Variants in ARHGAP26 observed in about 807,000 individuals in gnomAD.
The protein encoded by ARHGAP26 is Rho GTPase activating protein 26.
Under a neutral mutation model 104.8 loss-of-function variants are expected in ARHGAP26, and 38 were observed. The ratio of observed to expected loss-of-function variants is 0.36; its 90% CI spans 0.28 to 0.48. The LOEUF is 0.48. ARHGAP26 is among the 20% of genes least tolerant of loss of function. The pLI is 0.99. For synonymous variants in ARHGAP26, 341 were observed against 340.0 expected (o/e 1.00, Z -0.03); for missense variants, 704 against 947.9 (o/e 0.74, Z 3.38).
intron 13 of ARHGAP26, among the ~76,000 whole-genome samples, chr5:143,039,231 A>G (rs1205121095): frequency 1.3e-5 from 2 of 152,158 alleles, no homozygotes; most frequent in East Asian, 3.9e-4. Context: ...TGGAGGGGAC[A>G]GAGTCTTGCT....
At chr5:143,085,938 G>T (rs772901217) in intron 17 of ARHGAP26, among the ~76,000 whole-genome samples, 9 of 152,164 alleles carry the variant, frequency 5.9e-5, no homozygotes, top group Non-Finnish European at 1.0e-4. Context: ...TCCCTATTAT[G>T]CAAGGAAAGG....
chr5:142,991,967 G>A (rs146988938), intron 11 of ARHGAP26, among the ~76,000 whole-genome samples: 409 of 152,240 alleles, frequency 2.7e-3, no homozygotes, highest in Non-Finnish European at 4.1e-3. Flanking sequence ...CCATTTCCCT[G>A]AGCCTACATC....
chr5:143,018,422 A>T (rs1779880218), intron 12 of ARHGAP26, among the ~76,000 whole-genome samples: 1 of 152,184 alleles, frequency 6.6e-6, no homozygotes, highest in African/African-American at 2.4e-5. Flanking sequence ...TTTATGACCC[A>T]TGTCACAAAG....
At position 143,134,108 on chromosome 5, in the gene ARHGAP26, G is replaced by C; in HGVS notation, c.1837+3G>C. 6.2e-7 allele frequency: 1 copy of C among 1,608,834 alleles called. No homozygotes were observed. Among genetic ancestry groups the C allele is most frequent in the Non-Finnish European group, 8.5e-7 (1 of 1,177,058 alleles). On this transcript the variant is annotated splice_donor_region_variant and intron_variant, in intron 19 of 22. Coordinates refer to ENST00000645722, the MANE Select transcript of ARHGAP26 (RefSeq NM_001135608.3). ...CACCGTTCAGTCAACAGAGAAACGT[G>C]AGTCTTTGCTGCATAGGGCCAGCGT...
intron 17 of ARHGAP26, among the ~76,000 whole-genome samples, chr5:143,079,161 G>T (rs374721413): frequency 8.5e-5 from 13 of 152,330 alleles, no homozygotes; most frequent in African/African-American, 3.1e-4. Flanking sequence ...GCTTTGTCAT[G>T]TCTGAGTGCA....
At chr5:143,176,517 C>T (rs1447250341) in intron 20 of ARHGAP26, among the ~76,000 whole-genome samples, 1 of 152,172 alleles carries the variant, frequency 6.6e-6, no homozygotes, top group African/African-American at 2.4e-5. Context: ...CCTGGGAGCA[C>T]CACCTCCATG....
intron 18 of ARHGAP26, 28 bp downstream of exon 18, chr5:143,121,175 A>T: frequency 6.2e-7 from 1 of 1,603,336 alleles, no homozygotes; most frequent in Non-Finnish European, 8.5e-7. Context: ...ACTTGCAGTG[A>T]AGAATGTACC....
chr5:142,962,564 A>G (rs964362762), intron 11 of ARHGAP26, among the ~76,000 whole-genome samples: 4 of 151,960 alleles, frequency 2.6e-5, no homozygotes, highest in African/African-American at 9.7e-5. Flanking sequence ...ATCCACAAGA[A>G]TTTTCCTTGT....
At chr5:143,031,008 G>T (rs1277672233) in intron 12 of ARHGAP26, among the ~76,000 whole-genome samples, 1 of 152,208 alleles carries the variant, frequency 6.6e-6, no homozygotes, top group Non-Finnish European at 1.5e-5. Context: ...CTTTAACCTA[G>T]GTGGGAACGT....
At chr5:143,158,584 GGAAATGTAGCATCTTAGT>G (rs1203076056) in intron 20 of ARHGAP26, among the ~76,000 whole-genome samples, 1 of 152,138 alleles carries the variant, frequency 6.6e-6, no homozygotes, top group Non-Finnish European at 1.5e-5. Context: ...AAAATTATCT[GGAAATGTAGCATCTTAGT>G]CATTCACTGC....
At chr5:142,905,971 A>C (rs992835354) in intron 8 of ARHGAP26, among the ~76,000 whole-genome samples, 6 of 152,154 alleles carry the variant, frequency 3.9e-5, no homozygotes, top group African/African-American at 1.4e-4. Flanking sequence ...TCATGACTTT[A>C]GTCTCCTTTA....
At position 142,994,111 on chromosome 5, in the gene ARHGAP26, A is replaced by G. The variant is rs149853395; in HGVS notation, c.1108-19969A>G. Among the ~76,000 whole-genome samples, 32 of 152,384 alleles carry G rather than the reference A, an allele frequency of 2.1e-4. 1 individual carries two copies. The highest frequency in any genetic ancestry group is 7.2e-4 in the African/African-American group (30 of 41,600). On this transcript the variant is annotated intron_variant, in intron 11 of 22. Coordinates refer to ENST00000645722, the MANE Select transcript of ARHGAP26 (RefSeq NM_001135608.3). ...GGATAAATTTGTCACCTTGCATTTC[A>G]GAGTGAAAAACATCAGTGTGAGGTG...
In ARHGAP26 at chr5:142,770,627, G is replaced by C; in HGVS notation, c.-135G>C. On this transcript the variant is annotated 5_prime_UTR_variant, in exon 1 of 23. Transcript: ENST00000645722. ...CGCGCCGGCGGACACCGCGCGCGGAGTGAGCCAGCGCCACACCTGTGGAGC... is the reference window on the plus strand; with the variant it reads ...CGCGCCGGCGGACACCGCGCGCGGACTGAGCCAGCGCCACACCTGTGGAGC... 1 of 591,848 alleles carries C rather than the reference G, an allele frequency of 1.7e-6. No individual in the cohort carries two copies. The highest frequency in any genetic ancestry group is 2.0e-5 in the African/African-American group (1 of 49,986). 36.7% of individuals were successfully genotyped at this position (591,848 alleles called of 1,614,324 possible).
intron 20 of ARHGAP26, among the ~76,000 whole-genome samples, chr5:143,166,896 T>G (rs762535613): frequency 6.6e-6 from 1 of 152,234 alleles, no homozygotes; most frequent in Non-Finnish European, 1.5e-5. Context: ...GTAACAGTCA[T>G]ACCACAAAAG....
At chr5:142,862,324 C>A (rs1753516017) in intron 1 of ARHGAP26, among the ~76,000 whole-genome samples, 2 of 152,220 alleles carry the variant, frequency 1.3e-5, no homozygotes, top group African/African-American at 2.4e-5. Context: ...ACAGTTCTAA[C>A]TCCAGTCAGA....
At chr5:142,920,435 C>T (rs908911698) in intron 10 of ARHGAP26, among the ~76,000 whole-genome samples, 4 of 152,172 alleles carry the variant, frequency 2.6e-5, no homozygotes, top group African/African-American at 7.2e-5. Flanking sequence ...GTAAGTGACA[C>T]GTGGATATTT....
chr5:143,102,673 G>C (rs531155177), intron 17 of ARHGAP26, among the ~76,000 whole-genome samples: 1 of 152,326 alleles, frequency 6.6e-6, no homozygotes, highest in Non-Finnish European at 1.5e-5. Context: ...TGAAATACCA[G>C]AGGAGAAAGC....
chr5:143,201,561 G>A (rs762703446), intron 20 of ARHGAP26, among the ~76,000 whole-genome samples: 17 of 152,064 alleles, frequency 1.1e-4, no homozygotes, highest in East Asian at 1.9e-4. Context: ...TTTGTCTGCC[G>A]TTGTCATTTT....
chr5:143,145,301 T>A (rs1799025042), intron 19 of ARHGAP26, among the ~76,000 whole-genome samples: 2 of 152,224 alleles, frequency 1.3e-5, no homozygotes, highest in Non-Finnish European at 2.9e-5. Context: ...AATTATGCCA[T>A]GCAAACTTAG....
Sources: allele counts gnomAD v4.1 joint callset (sites outside exome capture counted in the v4.1 genomes callset), GRCh38; gene constraint gnomAD v4.1.1; transcripts MANE v1.5; gene names NCBI Gene and HGNC (gene_info 2026-07-23, HGNC 2026-07-21).